ANKH: variants seen among roughly 807,000 people sequenced by gnomAD.
ANKH encodes the protein mineralization regulator ANKH.
In ANKH, 15 loss-of-function variants were observed where a neutral mutation model predicts 49.0. The observed-to-expected ratio is 0.31, with a 90% CI of 0.20 to 0.47. The LOEUF is 0.47. Among genes scored for constraint, ANKH ranks in the 20% least tolerant of loss-of-function variants. The pLI, the probability that ANKH is intolerant of heterozygous loss-of-function variation, is 1.00. For synonymous variants in ANKH, 273 were observed against 260.0 expected, an observed-to-expected ratio of 1.05 and a Z score of -0.48; for missense variants, 429 against 652.0, an observed-to-expected ratio of 0.66 and a Z score of 3.72.
chr5:14,810,129 A>G lies in ANKH; in HGVS notation c.97-40938T>C, dbSNP rs1040061540. ...ATTCTGAGCTTCATGAGGGAGGAGAATAACTACTATGAAAGCATAAAAACG... is the reference window on the plus strand; with the variant it reads ...ATTCTGAGCTTCATGAGGGAGGAGAGTAACTACTATGAAAGCATAAAAACG... On this transcript the variant is annotated intron_variant, in intron 1 of 11. Transcript: ENST00000284268. Among the ~76,000 whole-genome samples the G allele has an allele frequency of 3.3e-5, 5 of 151,828 alleles. No homozygotes were observed. In the South Asian group the frequency reaches 6.2e-4, roughly 19 times the overall value.
chr5:14,764,096 A>AT (rs70964568), intron 2 of ANKH, among the ~76,000 whole-genome samples: 4,521 of 142,588 alleles, frequency 0.032, 247 homozygotes, highest in African/African-American at 0.11. Context: ...AAATAAATAA[A>AT]AATAAAAAAA....
At chr5:14,751,269 G>A in intron 4 of ANKH, 30 bp from the exon 5 acceptor site, 1 of 1,611,906 alleles carries the variant, frequency 6.2e-7, no homozygotes, top group Non-Finnish European at 8.5e-7. Context: ...GAACAGGTCA[G>A]AGGGGAGAAG....
intron 1 of ANKH, chr5:14,798,124 A>G (rs1310569037): frequency 6.4e-7 from 1 of 1,551,144 alleles, no homozygotes; most frequent in East Asian, 2.2e-5. Flanking sequence ...GATGCATCAA[A>G]CTGAGCATCA....
intron 8 of ANKH, among the ~76,000 whole-genome samples, chr5:14,733,718 G>C (rs945826667): frequency 6.6e-6 from 1 of 152,224 alleles, no homozygotes; most frequent in South Asian, 2.1e-4. Flanking sequence ...CTGCACCTAA[G>C]TGAATGGCCG....
intron 7 of ANKH, among the ~76,000 whole-genome samples, chr5:14,743,107 C>T (rs908945222): frequency 6.6e-6 from 1 of 152,248 alleles, no homozygotes; most frequent in Non-Finnish European, 1.5e-5. Flanking sequence ...TCCCTTCCAC[C>T]ACCAGCACCA....
At chr5:14,748,350 G>A (rs1175789274) in intron 6 of ANKH, among the ~76,000 whole-genome samples, 1 of 152,238 alleles carries the variant, frequency 6.6e-6, no homozygotes, top group Non-Finnish European at 1.5e-5. Flanking sequence ...AGGCACTCTG[G>A]CTGGAGACAT....
At chr5:14,777,052 C>G (rs1176849022) in intron 1 of ANKH, among the ~76,000 whole-genome samples, 1 of 152,188 alleles carries the variant, frequency 6.6e-6, no homozygotes, top group East Asian at 1.9e-4. Flanking sequence ...GAGGCCGAGG[C>G]AGGTGGATCA....
intron 8 of ANKH, chr5:14,741,594 A>AT: frequency 1.9e-6 from 1 of 519,478 alleles, no homozygotes; most frequent in South Asian, 2.2e-5. Flanking sequence ...TCCTTTCTGC[A>AT]GCATTTGAGA....
intron 1 of ANKH, among the ~76,000 whole-genome samples, chr5:14,780,025 T>G (rs1446924161): frequency 6.6e-6 from 1 of 151,226 alleles, no homozygotes; most frequent in African/African-American, 2.4e-5. Flanking sequence ...GAGGAAGAAA[T>G]CAGAAGTTCA....
chr5:14,714,552 T>C (rs1167565827), intron 9 of ANKH, among the ~76,000 whole-genome samples: 2 of 152,118 alleles, frequency 1.3e-5, no homozygotes, highest in African/African-American at 4.8e-5. Flanking sequence ...GATATGCTGG[T>C]TTGGAAGGAA....
At chr5:14,861,050 T>C (rs1735473358) in intron 1 of ANKH, among the ~76,000 whole-genome samples, 1 of 152,146 alleles carries the variant, frequency 6.6e-6, no homozygotes, top group Non-Finnish European at 1.5e-5. Context: ...CCCAAAGTGC[T>C]GGCAGGCATG....
intron 1 of ANKH, among the ~76,000 whole-genome samples, chr5:14,858,581 T>C (rs1267214403): frequency 6.6e-6 from 1 of 151,804 alleles, no homozygotes; most frequent in Non-Finnish European, 1.5e-5. Flanking sequence ...CCAGGCATGG[T>C]GGGTAATGCC....
intron 1 of ANKH, among the ~76,000 whole-genome samples, chr5:14,839,390 C>T (rs577387683): frequency 3.9e-5 from 6 of 152,074 alleles, no homozygotes; most frequent in South Asian, 2.1e-4. Context: ...CAGACACACA[C>T]GCACAGACAG....
intron 1 of ANKH, among the ~76,000 whole-genome samples, chr5:14,799,884 A>G (rs1479762901): frequency 6.6e-6 from 1 of 152,176 alleles, no homozygotes; most frequent in Non-Finnish European, 1.5e-5. Context: ...TAAGAAATAC[A>G]TTTCATAAGG....
At chr5:14,858,596 G>A (rs1042321891) in intron 1 of ANKH, among the ~76,000 whole-genome samples, 5 of 151,906 alleles carry the variant, frequency 3.3e-5, no homozygotes, top group Non-Finnish European at 5.9e-5. Flanking sequence ...AATGCCTGTA[G>A]TCCCAGCTAC....
chr5:14,754,146 C>T (rs192002183), intron 4 of ANKH, among the ~76,000 whole-genome samples: 6 of 152,322 alleles, frequency 3.9e-5, no homozygotes, highest in African/African-American at 1.2e-4. Flanking sequence ...TCGGCTTCCA[C>T]GCTCCCACTA....
intron 1 of ANKH, among the ~76,000 whole-genome samples, chr5:14,861,073 C>T (rs1007243243): frequency 5.3e-5 from 8 of 152,168 alleles, no homozygotes; most frequent in East Asian, 1.9e-4. Flanking sequence ...CCACCGTGCC[C>T]GGCCTACATA....
Position 14,745,124 on chromosome 5 carries a change from C to G in ANKH, c.915+746G>C, listed in dbSNP as rs914905253. 5.9e-5 allele frequency among the ~76,000 whole-genome samples: 9 copies of G among 152,156 alleles called. No individual in the cohort carries two copies. The highest frequency in any genetic ancestry group is 5.9e-4 in the Admixed American group (9 of 15,284). ...TTCAAGGCACAACAGGTGCCCTTCA[C>G]GGTAAGAAGTAGCAGTCTGTTTGCT... On this transcript the variant is annotated intron_variant, in intron 7 of 11. Coordinates refer to ENST00000284268, the MANE Select transcript of ANKH (RefSeq NM_054027.6). The surrounding 1 kb of genome is among the most constrained non-coding windows in gnomAD (Gnocchi z 4.7).
In ANKH at chr5:14,756,062, G is replaced by A. The variant is rs540226822; in HGVS notation, c.433-118C>T. 9.6e-6 allele frequency: 8 copies of A among 836,308 alleles called. No individual in the cohort carries two copies. The East Asian group carries it at 2.1e-4, about 22-fold the overall frequency. The allele number at this position is 836,308 out of a possible 1,614,324, so 51.8% of individuals were successfully genotyped here. On this transcript the variant is annotated intron_variant, in intron 3 of 11. Transcript: ENST00000284268. Reference sequence around the variant, plus strand: ...TTTATACCCCCTCAAAGCCTTAGCAGCCCAGGTCTGATAAATCTTTGGTTG... The same window carrying A: ...TTTATACCCCCTCAAAGCCTTAGCAACCCAGGTCTGATAAATCTTTGGTTG...
Sources: allele counts gnomAD v4.1 joint callset (sites outside exome capture counted in the v4.1 genomes callset), GRCh38; gene constraint gnomAD v4.1.1; non-coding constraint Gnocchi (gnomAD v3.1); transcripts MANE v1.5; gene names NCBI Gene and HGNC (gene_info 2026-07-23, HGNC 2026-07-21).